Variants in RERE observed in about 807,000 individuals in gnomAD.
RERE encodes arginine-glutamic acid dipeptide repeats.
Under a neutral mutation model 146.1 loss-of-function variants are expected in RERE, and 40 were observed. The observed-to-expected ratio is 0.27, with a 90% confidence interval of 0.21 to 0.36. RERE has a LOEUF of 0.36. Among genes scored for constraint, RERE ranks in the 10% least tolerant of loss-of-function variants. The probability of loss-of-function intolerance (pLI) is 1.00; values close to 1 mark genes in which losing one functional copy is unlikely to be tolerated. For synonymous variants in RERE, 1,003 were observed against 866.0 expected, an observed-to-expected ratio of 1.16 and a Z score of -2.78; for missense variants, 1,933 against 2,138.7, an observed-to-expected ratio of 0.90 and a Z score of 1.90.
intron 1 of RERE, among the ~76,000 whole-genome samples, chr1:8,784,109 C>T (rs1458885756): frequency 6.6e-6 from 1 of 152,202 alleles, no homozygotes; most frequent in African/African-American, 2.4e-5. Context: ...CACCACTCTA[C>T]CCCCTGCTCA....
chr1:8,486,770 AAAG>A (rs1183021546), intron 10 of RERE, among the ~76,000 whole-genome samples: 23 of 145,978 alleles, frequency 1.6e-4, no homozygotes, highest in African/African-American at 5.7e-4. Flanking sequence ...AAAAAAAAAA[AAAG>A]AAAAGAAAGA....
chr1:8,565,240 AATG>A (rs1391775198), intron 4 of RERE, among the ~76,000 whole-genome samples: 1 of 152,222 alleles, frequency 6.6e-6, no homozygotes, highest in South Asian at 2.1e-4. Context: ...CATCATAAAA[AATG>A]ATAATTAGCT....
Position 8,716,641 on chromosome 1 carries a change from CTTGA to C in RERE, c.-144-60204_-144-60201del, listed in dbSNP as rs1198984082. Among the ~76,000 whole-genome samples, 10 of 151,926 alleles carry C rather than the reference CTTGA, an allele frequency of 6.6e-5. No homozygotes were observed. The East Asian group carries it at 1.7e-3, about 26-fold the overall frequency. Reference sequence around the variant, plus strand: ...AAAAAAAATAAACAGTACACCACCACTTGATTAAGTACGTGCACATATATTACCT... The same window carrying C: ...AAAAAAAATAAACAGTACACCACCACTTAAGTACGTGCACATATATTACCT... On this transcript the variant is annotated intron_variant, in intron 1 of 22. Coordinates refer to ENST00000400908, the MANE Select transcript of RERE (RefSeq NM_001042681.2).
At chr1:8,495,727 G>A (rs959956254) in intron 9 of RERE, among the ~76,000 whole-genome samples, 7 of 152,202 alleles carry the variant, frequency 4.6e-5, no homozygotes, top group Admixed American at 3.3e-4. Context: ...TTAGATTTGA[G>A]AGCATGAAGA....
chr1:8,618,155 A>T (rs1347612778), intron 3 of RERE, among the ~76,000 whole-genome samples: 1 of 152,250 alleles, frequency 6.6e-6, no homozygotes. Context: ...TACATCAGTG[A>T]ATAAAAAGCA....
intron 1 of RERE, among the ~76,000 whole-genome samples, chr1:8,762,573 A>G (rs1209838729): frequency 6.6e-6 from 1 of 152,184 alleles, no homozygotes; most frequent in African/African-American, 2.4e-5. Flanking sequence ...AAAAAGTAGC[A>G]TCAGTTAGCT....
chr1:8,414,969 T>C (rs1192946903), intron 12 of RERE, among the ~76,000 whole-genome samples: 1 of 152,204 alleles, frequency 6.6e-6, no homozygotes, highest in Non-Finnish European at 1.5e-5. Context: ...TTTACTCTAT[T>C]TTCCTAAGTA....
At position 8,364,294 on chromosome 1, in the gene RERE, A is replaced by G. The variant is rs1641712560; in HGVS notation, c.1541-39T>C. On this transcript the variant is annotated intron_variant, in intron 14 of 22. Transcript: ENST00000400908. This position sits in a 1 kb window ranked among gnomAD's most constrained non-coding sequence, Gnocchi z 5.1. ...GTGGTGGGGGCCAACCTTGGAAACC[A>G]TCCCTCTCCCTGGGGATGTCTGGGC... 1 of 1,584,916 alleles carries G rather than the reference A, an allele frequency of 6.3e-7. No individual in the cohort carries two copies. The highest frequency in any genetic ancestry group is 8.7e-7 in the Non-Finnish European group (1 of 1,154,186).
chr1:8,520,817 T>C lies in RERE; in HGVS notation c.831-12142A>G, dbSNP rs7512013. 3.1e-3 allele frequency among the ~76,000 whole-genome samples: 448 copies of C among 146,054 alleles called. 2 individuals carry two copies. Among genetic ancestry groups the C allele is most frequent in the African/African-American group, 0.011 (427 of 39,598 alleles). ...CCCACTTACAAAGCAGCAGTCACTGTAGATTAAGCTGCTCTCCTGACCCAA... is the reference window on the plus strand; with the variant it reads ...CCCACTTACAAAGCAGCAGTCACTGCAGATTAAGCTGCTCTCCTGACCCAA... On this transcript the variant is annotated intron_variant, in intron 7 of 22. Coordinates refer to ENST00000400908, the MANE Select transcript of RERE (RefSeq NM_001042681.2).
chr1:8,471,328 T>C (rs1478420482), intron 10 of RERE, among the ~76,000 whole-genome samples: 1 of 152,030 alleles, frequency 6.6e-6, no homozygotes, highest in African/African-American at 2.4e-5. Context: ...TTTTCTCTCT[T>C]TGAGACAGGG....
intron 19 of RERE, 112 bp from the exon 20 acceptor site, chr1:8,359,028 C>A (rs1324616252): frequency 1.5e-6 from 2 of 1,309,252 alleles, no homozygotes; most frequent in Non-Finnish European, 2.0e-6. Flanking sequence ...GACAGGCCAA[C>A]CTGGTCCCTC....
In RERE at chr1:8,362,739, C is replaced by T. The variant is rs759860051; in HGVS notation, c.1846G>A (p.Ala616Thr). 38 of 1,614,108 alleles carry T rather than the reference C, an allele frequency of 2.4e-5. No homozygotes were observed. In the Admixed American group the frequency reaches 2.8e-4, roughly 12 times the overall value. Reference sequence around the variant, plus strand: ...CTGTCATTGCTGGAGGTACTGGCAGCGCTGGGGGAGTTCCGGCCGCTGGAG... The same window carrying T: ...CTGTCATTGCTGGAGGTACTGGCAGTGCTGGGGGAGTTCCGGCCGCTGGAG... The part of the protein sequence containing the change: ...IRSSGRNSPS[A>T]ASTSSNDSKA... Residue 616 changes from alanine (A) to threonine (T), a missense_variant, in exon 16 of 23, where the codon GCT becomes ACT. By Grantham distance (58) the Ala-to-Thr change is moderately conservative. This residue lies in a region of RERE where 1,255 missense variants were observed against 1,153.8 expected (regional missense o/e 1.09). Coordinates refer to ENST00000400908, the MANE Select transcript of RERE (RefSeq NM_001042681.2).
chr1:8,478,916 A>T (rs145188157), intron 10 of RERE, among the ~76,000 whole-genome samples: 2,007 of 152,308 alleles, frequency 0.013, 15 homozygotes, highest in Middle Eastern at 0.024. Context: ...CATATCAATT[A>T]ATATGGTAGT....
At position 8,491,261 on chromosome 1, in the gene RERE, C is replaced by T. The variant is rs531044360; in HGVS notation, c.1104+3802G>A. 3.8e-3 allele frequency among the ~76,000 whole-genome samples: 547 copies of T among 143,100 alleles called. 37 individuals are homozygous for T. The highest frequency in any genetic ancestry group is 0.015 in the African/African-American group (508 of 33,002). 93.9% of individuals were successfully genotyped at this position (143,100 alleles called of 152,430 possible). ...TTCGAGACCAGCCTGACCAACATGG[C>T]GAAACCCTGTCTCTACTAAAAATAC... is the stretch of plus-strand genomic sequence containing the variant. On this transcript the variant is annotated intron_variant, in intron 10 of 22. Coordinates refer to ENST00000400908, the MANE Select transcript of RERE (RefSeq NM_001042681.2).
intron 1 of RERE, among the ~76,000 whole-genome samples, chr1:8,660,257 C>T (rs545328732): frequency 1.3e-5 from 2 of 152,150 alleles, no homozygotes; most frequent in East Asian, 1.9e-4. Context: ...AATTCTTCTG[C>T]GCCTTAGTGT....
intron 10 of RERE, among the ~76,000 whole-genome samples, chr1:8,492,735 A>G (rs1000046328): frequency 1.3e-5 from 2 of 152,104 alleles, no homozygotes; most frequent in African/African-American, 4.8e-5. Flanking sequence ...CCTCATCTTG[A>G]CAAAAAAAAT....
chr1:8,768,152 A>C (rs888112566), intron 1 of RERE, among the ~76,000 whole-genome samples: 2 of 152,162 alleles, frequency 1.3e-5, no homozygotes, highest in African/African-American at 4.8e-5. Context: ...AAAATTACTT[A>C]GTAGCATAAT....
intron 1 of RERE, among the ~76,000 whole-genome samples, chr1:8,716,574 G>A (rs536004602): frequency 6.6e-6 from 1 of 151,954 alleles, no homozygotes; most frequent in Non-Finnish European, 1.5e-5. Context: ...CCTCTGAGAA[G>A]TGAAACTCAA....
At position 8,364,508 on chromosome 1, in the gene RERE, T is replaced by C. The variant is rs1325659868; in HGVS notation, c.1540+238A>G. ...GGCAGCAAGCTCCTGGGAACTACAGTGTCAACCCCCCAATCCCACTCAATC... is the reference window on the plus strand; with the variant it reads ...GGCAGCAAGCTCCTGGGAACTACAGCGTCAACCCCCCAATCCCACTCAATC... On this transcript the variant is annotated intron_variant, in intron 14 of 22. Transcript: ENST00000400908. This position sits in a 1 kb window ranked among gnomAD's most constrained non-coding sequence, Gnocchi z 5.1. 1.3e-5 allele frequency among the ~76,000 whole-genome samples: 2 copies of C among 152,110 alleles called. No individual in the cohort carries two copies. Among genetic ancestry groups the C allele is most frequent in the Non-Finnish European group, 2.9e-5 (2 of 68,022 alleles).
Sources: gnomAD v4.1 joint callset for allele counts (sites outside exome capture counted in the v4.1 genomes callset) on GRCh38, gnomAD v4.1.1 for gene constraint, gnomAD v4.1.1 regional missense constraint, Gnocchi (gnomAD v3.1) non-coding constraint, MANE v1.5 for transcripts, NCBI Gene and HGNC (gene_info 2026-07-23, HGNC 2026-07-21) for gene names.